ESR1: variants seen among roughly 807,000 people sequenced by gnomAD.
The protein encoded by ESR1 is estrogen receptor.
ESR1 carries 12 observed loss-of-function variants against 52.7 expected under a neutral mutation model. The observed-to-expected ratio is 0.23, with a 90% CI of 0.15 to 0.37. The LOEUF is 0.37. Ranked by LOEUF, ESR1 falls within the 10% of genes least tolerant of loss-of-function variation. The probability of loss-of-function intolerance (pLI) is 1.00; values close to 1 mark genes in which losing one functional copy is unlikely to be tolerated. For synonymous variants in ESR1, 305 were observed against 316.8 expected (o/e 0.96, Z 0.39); for missense variants, 584 against 779.7 (o/e 0.75, Z 2.99).
chr6:152,084,508 G>GT (rs1359806914), intron 6 of ESR1, among the ~76,000 whole-genome samples: 1 of 152,070 alleles, frequency 6.6e-6, no homozygotes, highest in African/African-American at 2.4e-5. Flanking sequence ...ATGTGGAACT[G>GT]TAAGTCCAGT....
chr6:152,086,176 C>A (rs1748383428), intron 6 of ESR1, among the ~76,000 whole-genome samples: 1 of 152,160 alleles, frequency 6.6e-6, no homozygotes, highest in South Asian at 2.1e-4. Context: ...GTCTTTACAT[C>A]ATCTCCTTTC....
chr6:151,780,504 T>C (rs576181253), intron 2 of ESR1, among the ~76,000 whole-genome samples: 24 of 152,168 alleles, frequency 1.6e-4, no homozygotes, highest in Non-Finnish European at 2.8e-4. Flanking sequence ...AAAACACCTA[T>C]GGCTGACTCC....
intron 3 of ESR1, among the ~76,000 whole-genome samples, chr6:151,893,008 G>A (rs544738469): frequency 1.3e-5 from 2 of 152,306 alleles, no homozygotes; most frequent in South Asian, 2.1e-4. Flanking sequence ...GGCTAACATG[G>A]TGAAACCCCG....
chr6:151,720,674 T>C (rs1781390552), intron 2 of ESR1, among the ~76,000 whole-genome samples: 2 of 152,336 alleles, frequency 1.3e-5, no homozygotes, highest in South Asian at 4.1e-4. Flanking sequence ...TTCTTTGGGA[T>C]ACACTTGGAG....
At chr6:151,717,533 T>A (rs192270725) in intron 2 of ESR1, among the ~76,000 whole-genome samples, 158 of 152,344 alleles carry the variant, frequency 1.0e-3, no homozygotes, top group Non-Finnish European at 3.4e-4. Flanking sequence ...TGTGTTAGGT[T>A]TTTCCATAAG....
intron 2 of ESR1, among the ~76,000 whole-genome samples, chr6:151,755,217 A>G (rs1784191254): frequency 1.3e-5 from 2 of 150,988 alleles, no homozygotes; most frequent in South Asian, 4.1e-4. Flanking sequence ...CTCAAAAAAA[A>G]AAAACAAAAA....
intron 3 of ESR1, among the ~76,000 whole-genome samples, chr6:151,905,881 G>T (rs1797364838): frequency 6.6e-6 from 1 of 152,124 alleles, no homozygotes; most frequent in African/African-American, 2.4e-5. Context: ...TGAAATAATG[G>T]TTGAAGACAG....
chr6:152,019,528 G>A (rs973847631), intron 5 of ESR1, among the ~76,000 whole-genome samples: 1 of 152,162 alleles, frequency 6.6e-6, no homozygotes, highest in African/African-American at 2.4e-5. Context: ...TACTCCAGAG[G>A]GAAAGGCGTG....
At chr6:152,047,712 A>C (rs2046334333) in intron 5 of ESR1, among the ~76,000 whole-genome samples, 1 of 152,224 alleles carries the variant, frequency 6.6e-6, no homozygotes. Flanking sequence ...TGCATGTAAC[A>C]ACATTGCATT....
intron 5 of ESR1, among the ~76,000 whole-genome samples, chr6:152,032,012 G>C (rs2044759371): frequency 1.3e-5 from 2 of 152,048 alleles, no homozygotes; most frequent in South Asian, 4.1e-4. Flanking sequence ...ACATAATCCA[G>C]CATATAAACA....
At chr6:151,689,069 A>G (rs1363975510), upstream of ESR1, among the ~76,000 whole-genome samples, 1 of 152,230 alleles carries the variant, frequency 6.6e-6, no homozygotes, top group Non-Finnish European at 1.5e-5. Context: ...CCTTCAGTTC[A>G]GAATTCATTA....
intron 1 of ESR1, among the ~76,000 whole-genome samples, chr6:151,842,237 G>A (rs1784406358): frequency 6.6e-6 from 1 of 152,140 alleles, no homozygotes; most frequent in African/African-American, 2.4e-5. Context: ...GAGACCCTGA[G>A]TGTGGTCTAG....
chr6:151,933,363 A>G (rs1306009055), intron 3 of ESR1, among the ~76,000 whole-genome samples: 87 of 151,054 alleles, frequency 5.8e-4, no homozygotes, highest in African/African-American at 1.9e-3. Flanking sequence ...GGCTGAGACA[A>G]TGGGGTTTTC....
intron 5 of ESR1, among the ~76,000 whole-genome samples, chr6:152,051,261 A>G (rs2046654336): frequency 6.6e-6 from 1 of 152,138 alleles, no homozygotes; most frequent in Admixed American, 6.5e-5. Context: ...CTGTGCCCTC[A>G]AGTTTTCTCC....
chr6:151,772,942 T>G (rs1785634843), intron 2 of ESR1, among the ~76,000 whole-genome samples: 1 of 152,190 alleles, frequency 6.6e-6, no homozygotes, highest in Admixed American at 6.5e-5. Flanking sequence ...TTAAACACTC[T>G]TTTCCTCCAG....
intron 5 of ESR1, among the ~76,000 whole-genome samples, chr6:152,051,785 T>G (rs1383075186): frequency 1.3e-5 from 2 of 152,222 alleles, no homozygotes; most frequent in Non-Finnish European, 2.9e-5. Flanking sequence ...ACCATGCATT[T>G]CCCTTCATAC....
chr6:152,011,527 A>G (rs2042765885), intron 4 of ESR1, 129 bp from the exon 5 acceptor site: 4 of 1,010,278 alleles, frequency 4.0e-6, no homozygotes, highest in South Asian at 2.6e-5. Flanking sequence ...ACTATAAAGT[A>G]TGTTCGTATT....
At chr6:152,065,000 A>AT (rs1417120982) in intron 6 of ESR1, among the ~76,000 whole-genome samples, 3 of 152,226 alleles carry the variant, frequency 2.0e-5, no homozygotes, top group African/African-American at 7.2e-5. Context: ...TTCATGGACC[A>AT]TTGTAGGCCC....
intron 2 of ESR1, among the ~76,000 whole-genome samples, chr6:151,764,992 C>A (rs747004583): frequency 1.3e-5 from 2 of 152,082 alleles, no homozygotes; most frequent in South Asian, 2.1e-4. Flanking sequence ...GTCAGCCACA[C>A]GTGTCGTTTA....
Sources: gnomAD v4.1 joint callset for allele counts (sites outside exome capture counted in the v4.1 genomes callset) on GRCh38, gnomAD v4.1.1 for gene constraint, MANE v1.5 for transcripts, NCBI Gene and HGNC (gene_info 2026-07-23, HGNC 2026-07-21) for gene names.